The following SSH2 variants were observed in gnomAD, a reference collection of about 807,000 sequenced individuals.
SSH2 encodes slingshot protein phosphatase 2, also known as protein phosphatase Slingshot homolog 2.
SSH2 carries 37 observed loss-of-function variants against 135.2 expected under a neutral mutation model. The ratio of observed to expected loss-of-function variants is 0.27; its 90% CI spans 0.21 to 0.36. The LOEUF is 0.36. Among genes scored for constraint, SSH2 ranks in the 10% least tolerant of loss-of-function variants. SSH2 has a pLI of 1.00. For missense variants in SSH2, 1,408 were observed against 1,765.3 expected (o/e 0.80, Z 3.63); for synonymous variants, 628 against 646.2 (o/e 0.97, Z 0.43).
intron 1 of SSH2, among the ~76,000 whole-genome samples, chr17:29,912,291 A>G (rs1254280270): frequency 6.6e-6 from 1 of 152,236 alleles, no homozygotes; most frequent in African/African-American, 2.4e-5. Flanking sequence ...TCTTTATGGT[A>G]TTGCTGAGCT....
At chr17:29,656,224 T>C (rs2036773780) in intron 11 of SSH2, among the ~76,000 whole-genome samples, 1 of 152,180 alleles carries the variant, frequency 6.6e-6, no homozygotes, top group African/African-American at 2.4e-5. Flanking sequence ...TCACCCAGGC[T>C]GGAATGCAAT....
intron 2 of SSH2, among the ~76,000 whole-genome samples, chr17:29,809,114 C>T (rs1460154392): frequency 6.6e-6 from 1 of 152,092 alleles, no homozygotes; most frequent in Non-Finnish European, 1.5e-5. Context: ...ATTAGCCATG[C>T]GTGGTGGCAC....
intron 14 of SSH2, 116 bp downstream of exon 14, chr17:29,648,027 CT>C: frequency 9.8e-7 from 1 of 1,021,194 alleles, no homozygotes; most frequent in East Asian, 2.4e-5. Flanking sequence ...AGAAATAAGT[CT>C]TTTTTGAAAA....
At chr17:29,760,908 C>T (rs1017676009) in intron 3 of SSH2, among the ~76,000 whole-genome samples, 1 of 152,094 alleles carries the variant, frequency 6.6e-6, no homozygotes, top group Non-Finnish European at 1.5e-5. Context: ...CAAAGTTAAA[C>T]GGAAATTCTC....
At chr17:29,889,805 A>G (rs1312691797) in intron 1 of SSH2, among the ~76,000 whole-genome samples, 2 of 143,108 alleles carry the variant, frequency 1.4e-5, no homozygotes, top group African/African-American at 2.7e-5. Flanking sequence ...TCTCTACCAA[A>G]AAAAAAAAAA....
intron 2 of SSH2, among the ~76,000 whole-genome samples, chr17:29,797,373 A>G (rs762556063): frequency 1.8e-4 from 28 of 152,142 alleles, no homozygotes; most frequent in Non-Finnish European, 3.4e-4. Context: ...AGTACACAGG[A>G]TATGATTCCA....
chr17:29,649,740 C>A (rs1469914044), intron 13 of SSH2, among the ~76,000 whole-genome samples: 2 of 151,940 alleles, frequency 1.3e-5, no homozygotes. Context: ...CATGAGAGAA[C>A]AGTAAGCATG....
chr17:29,686,520 C>T (rs1220331015), intron 5 of SSH2, among the ~76,000 whole-genome samples: 2 of 151,220 alleles, frequency 1.3e-5, no homozygotes, highest in Non-Finnish European at 2.9e-5. Flanking sequence ...TGCTGCCACG[C>T]CCGGCTAATT....
chr17:29,775,034 GT>G (rs1276692994), intron 3 of SSH2, among the ~76,000 whole-genome samples: 14 of 152,188 alleles, frequency 9.2e-5, no homozygotes, highest in African/African-American at 2.6e-4. Flanking sequence ...GGATTGCAGA[GT>G]TAAGTTTATG....
chr17:29,736,107 A>AC (rs946251056), intron 3 of SSH2, among the ~76,000 whole-genome samples: 4 of 152,182 alleles, frequency 2.6e-5, no homozygotes, highest in Non-Finnish European at 5.9e-5. Context: ...ACAAAACAAA[A>AC]CAAAAAAATT....
chr17:29,813,402 A>G (rs1237510550), intron 2 of SSH2, among the ~76,000 whole-genome samples: 2 of 152,152 alleles, frequency 1.3e-5, no homozygotes, highest in Middle Eastern at 3.2e-3. Context: ...CTAGAAGCAG[A>G]TAATTCACAA....
chr17:29,782,193 C>T (rs114258112), intron 3 of SSH2, among the ~76,000 whole-genome samples: 1 of 152,136 alleles, frequency 6.6e-6, no homozygotes, highest in African/African-American at 2.4e-5. Flanking sequence ...TGAATAATGC[C>T]CCGTTGTTTC....
chr17:29,681,679 T>A lies in SSH2; in HGVS notation c.479+2884A>T, dbSNP rs577232005. Among the ~76,000 whole-genome samples the A allele has an allele frequency of 1.0e-3, 155 of 152,248 alleles. 2 individuals are homozygous for A. Among genetic ancestry groups the A allele is most frequent in the Middle Eastern group, 3.4e-3 (1 of 294 alleles). On this transcript the variant is annotated intron_variant, in intron 6 of 15. Coordinates refer to ENST00000540801, the MANE Select transcript of SSH2 (RefSeq NM_001282129.2). ...TTTAAAAAATTATTAAAATATAACA[T>A]AATACTCAAAGAACTTGTAAATGGG... is the stretch of plus-strand genomic sequence containing the variant.
In SSH2 at chr17:29,785,181, A is replaced by G. The variant is rs551774315; in HGVS notation, c.188+8713T>C. On this transcript the variant is annotated intron_variant, in intron 3 of 15. Transcript: ENST00000540801. ...CATTTTCAAAGTAATCAAAAAAAGT[A>G]TAATATATTATATGTATTGCTGGAA... Among the ~76,000 whole-genome samples, 3 of 152,270 alleles carry G rather than the reference A, an allele frequency of 2.0e-5. 1 individual carries two copies. In the Middle Eastern group the frequency reaches 0.01, roughly 518 times the overall value.
chr17:29,786,516 T>C (rs1402721612), intron 3 of SSH2, among the ~76,000 whole-genome samples: 1 of 152,204 alleles, frequency 6.6e-6, no homozygotes, highest in Non-Finnish European at 1.5e-5. Context: ...TTTGTTGCCA[T>C]GGGACAATAA....
Position 29,888,252 on chromosome 17 carries a change from C to G in SSH2, c.64-39323G>C, listed in dbSNP as rs139353108. 3.7e-4 allele frequency among the ~76,000 whole-genome samples: 56 copies of G among 152,002 alleles called. No homozygotes were observed. In the East Asian group the frequency reaches 0.01, roughly 28 times the overall value. ...GACCCTGTCCCATCCACCCTACCCCCAGAAAGAAACTATGCTGAGACAGAG... is the reference window on the plus strand; with the variant it reads ...GACCCTGTCCCATCCACCCTACCCCGAGAAAGAAACTATGCTGAGACAGAG... On this transcript the variant is annotated intron_variant, in intron 1 of 15. Transcript: ENST00000540801.
chr17:29,855,667 T>C (rs10445384), intron 1 of SSH2: 65,367 of 154,512 alleles, frequency 0.42, 16,104 homozygotes, highest in East Asian at 0.82. Flanking sequence ...ATAGTCTGTG[T>C]CTGATCCAAC....
At chr17:29,745,932 G>A (rs764621819) in intron 3 of SSH2, among the ~76,000 whole-genome samples, 2 of 152,292 alleles carry the variant, frequency 1.3e-5, no homozygotes, top group South Asian at 4.1e-4. Context: ...CACTATTACT[G>A]TTAGGTACAA....
intron 3 of SSH2, among the ~76,000 whole-genome samples, chr17:29,742,429 C>T (rs1266470744): frequency 1.3e-5 from 2 of 149,020 alleles, no homozygotes; most frequent in African/African-American, 5.0e-5. Context: ...AACAATCCTC[C>T]TGGGTCAGCC....
Sources: gnomAD v4.1 joint callset for allele counts (sites outside exome capture counted in the v4.1 genomes callset) on GRCh38, gnomAD v4.1.1 for gene constraint, MANE v1.5 for transcripts, NCBI Gene and HGNC (gene_info 2026-07-23, HGNC 2026-07-21) for gene names.